Variants in CLSTN2 observed in about 807,000 individuals in gnomAD.
CLSTN2 encodes the protein calsyntenin 2, also known as calsyntenin-2.
In CLSTN2, 48 loss-of-function variants were observed where a neutral mutation model predicts 101.2. That is an observed-to-expected ratio of 0.47 (90% CI 0.38 to 0.60). CLSTN2 has a LOEUF of 0.60. CLSTN2 is among the 20% of genes least tolerant of loss of function. The probability of loss-of-function intolerance (pLI) is 0.00; values close to 1 mark genes in which losing one functional copy is unlikely to be tolerated. For synonymous variants in CLSTN2, 481 were observed against 463.6 expected, an observed-to-expected ratio of 1.04 and a Z score of -0.48; for missense variants, 1,160 against 1,238.2, an observed-to-expected ratio of 0.94 and a Z score of 0.95.
chr3:140,167,097 G>A (rs1270189369), intron 1 of CLSTN2, among the ~76,000 whole-genome samples: 1 of 152,184 alleles, frequency 6.6e-6, no homozygotes, highest in African/African-American at 2.4e-5. Flanking sequence ...GAAAGGAGAT[G>A]GTTCTCCAGC....
chr3:140,254,177 A>G (rs2086586573), intron 2 of CLSTN2, among the ~76,000 whole-genome samples: 1 of 152,202 alleles, frequency 6.6e-6, no homozygotes, highest in Non-Finnish European at 1.5e-5. Context: ...AGAGATGCAG[A>G]TCCTTGCAAA....
intron 1 of CLSTN2, among the ~76,000 whole-genome samples, chr3:140,156,833 C>T (rs182852048): frequency 3.2e-4 from 49 of 152,278 alleles, no homozygotes; most frequent in African/African-American, 9.9e-4. Flanking sequence ...CCTCTTCAGA[C>T]GTTTCTGGCT....
chr3:140,576,313 C>G lies in CLSTN2; in HGVS notation c.*10060C>G, dbSNP rs749759004. On this transcript the variant is annotated 3_prime_UTR_variant, in exon 17 of 17. Transcript: ENST00000458420. ...CTGTTTCTACAAGCTAAAGTTGTAG[C>G]TTCTCTCTACCACTGTCTAAAGCTG... 6.6e-6 allele frequency: 1 copy of G among 152,210 alleles called. No individual in the cohort carries two copies. Among genetic ancestry groups the G allele is most frequent in the African/African-American group, 2.4e-5 (1 of 41,458 alleles). The allele number at this position is 152,210 out of a possible 1,614,324, so 9.4% of individuals were successfully genotyped here.
At chr3:140,495,151 C>A (rs745886707) in intron 8 of CLSTN2, among the ~76,000 whole-genome samples, 4 of 152,152 alleles carry the variant, frequency 2.6e-5, no homozygotes, top group Admixed American at 6.5e-5. Flanking sequence ...TTATTTTTAG[C>A]CATTCTGACT....
At position 140,336,516 on chromosome 3, in the gene CLSTN2, G is replaced by A. The variant is rs999821; in HGVS notation, c.233-67113G>A. On this transcript the variant is annotated intron_variant, in intron 2 of 16. Coordinates refer to ENST00000458420, the MANE Select transcript of CLSTN2 (RefSeq NM_022131.3). Reference sequence around the variant, plus strand: ...TCAGGTTCAGAGAATCTCCTGAGGTGTGCAAGCCCCAAGGCATGGCAGAAG... The same window carrying A: ...TCAGGTTCAGAGAATCTCCTGAGGTATGCAAGCCCCAAGGCATGGCAGAAG... Among the ~76,000 whole-genome samples, 1,212 of 152,274 alleles carry A rather than the reference G, an allele frequency of 8.0e-3. 17 individuals are homozygous for A. The highest frequency in any genetic ancestry group is 0.028 in the African/African-American group (1,155 of 41,538).
chr3:140,206,929 A>G (rs553352142), intron 2 of CLSTN2, among the ~76,000 whole-genome samples: 1 of 152,260 alleles, frequency 6.6e-6, no homozygotes, highest in African/African-American at 2.4e-5. Context: ...GGGAATTCCT[A>G]TTCCCATGAG....
chr3:140,127,644 T>C (rs2009456952), intron 1 of CLSTN2, among the ~76,000 whole-genome samples: 1 of 151,984 alleles, frequency 6.6e-6, no homozygotes, highest in African/African-American at 2.4e-5. Flanking sequence ...AAGTCAAACT[T>C]CCTAGTCAAA....
chr3:140,496,968 G>T (rs965553284), intron 8 of CLSTN2, among the ~76,000 whole-genome samples: 5 of 152,140 alleles, frequency 3.3e-5, no homozygotes, highest in Admixed American at 2.6e-4. Context: ...GGACGTGGTG[G>T]CATGCACGTG....
intron 2 of CLSTN2, among the ~76,000 whole-genome samples, chr3:140,398,425 T>C (rs2088205539): frequency 6.6e-6 from 1 of 152,210 alleles, no homozygotes; most frequent in African/African-American, 2.4e-5. Flanking sequence ...CACCAGCACT[T>C]TTACTCCCCA....
chr3:140,062,363 A>G (rs1049636538), intron 1 of CLSTN2, among the ~76,000 whole-genome samples: 3 of 152,190 alleles, frequency 2.0e-5, no homozygotes, highest in East Asian at 1.9e-4. Flanking sequence ...GAGATATTAT[A>G]TTGAAGTATT....
intron 2 of CLSTN2, among the ~76,000 whole-genome samples, chr3:140,195,675 G>A (rs1395046747): frequency 6.6e-6 from 1 of 152,160 alleles, no homozygotes; most frequent in Admixed American, 6.5e-5. Context: ...AAGTAATTTA[G>A]TTTTATCTAT....
At position 140,577,364 on chromosome 3, in the gene CLSTN2, G is replaced by C. The variant is rs1374477360; in HGVS notation, c.*11111G>C. 1.3e-5 allele frequency: 2 copies of C among 152,156 alleles called. No individual in the cohort carries two copies. Among genetic ancestry groups the C allele is most frequent in the East Asian group, 3.8e-4 (2 of 5,198 alleles). 9.4% of individuals were successfully genotyped at this position (152,156 alleles called of 1,614,324 possible). On this transcript the variant is annotated 3_prime_UTR_variant, in exon 17 of 17. Transcript: ENST00000458420. ...TCGTTATGACACTTTCTGTGAATTG[G>C]TGAATAAATATGATTTTAGAATTTC... is the stretch of plus-strand genomic sequence containing the variant.
chr3:140,539,373 G>A (rs531012810), intron 9 of CLSTN2, among the ~76,000 whole-genome samples: 20 of 152,206 alleles, frequency 1.3e-4, no homozygotes, highest in Non-Finnish European at 2.8e-4. Flanking sequence ...ATTTGATATG[G>A]GGGTGCATTT....
Position 139,935,378 on chromosome 3 carries a change from C to T in CLSTN2, c.4C>T (p.Leu2=). The change falls in exon 1 of 17, where the codon CTG becomes TTG. Residue 2 remains leucine, a synonymous_variant. Transcript: ENST00000458420. This position sits in a 1 kb window ranked among gnomAD's most constrained non-coding sequence, Gnocchi z 5.5. ...CTCGTTGGCGGCTGCTGCGAGGATG[C>T]TGCCTGGGCGGCTGTGCTGGGTGCC... M[L]PGRLCWVPLL... 1 of 1,228,590 alleles carries T rather than the reference C, an allele frequency of 8.1e-7. No homozygotes were observed. The highest frequency in any genetic ancestry group is 1.0e-6 in the Non-Finnish European group (1 of 985,460). The allele number at this position is 1,228,590 out of a possible 1,614,324, so 76.1% of individuals were successfully genotyped here.
At chr3:139,938,224 G>C (rs1189138012) in intron 1 of CLSTN2, among the ~76,000 whole-genome samples, 1 of 151,368 alleles carries the variant, frequency 6.6e-6, no homozygotes, top group Admixed American at 6.6e-5. Context: ...CTGTATTCAT[G>C]TGTAGAAAAA....
At chr3:140,302,052 TG>T (rs1209532107) in intron 2 of CLSTN2, among the ~76,000 whole-genome samples, 17 of 152,370 alleles carry the variant, frequency 1.1e-4, no homozygotes, top group African/African-American at 3.8e-4. Flanking sequence ...GTTACTAATG[TG>T]GCTTCTATGC....
At chr3:140,421,355 C>A in intron 5 of CLSTN2, 81 bp downstream of exon 5, 2 of 1,506,400 alleles carry the variant, frequency 1.3e-6, no homozygotes, top group Non-Finnish European at 1.8e-6. Flanking sequence ...CAAATCATCA[C>A]AACACATAAC....
At chr3:140,512,386 T>TTG (rs1934832577) in intron 8 of CLSTN2, among the ~76,000 whole-genome samples, 1 of 152,220 alleles carries the variant, frequency 6.6e-6, no homozygotes, top group African/African-American at 2.4e-5. Flanking sequence ...GCTTTCCCCA[T>TTG]TGCTTGTTTT....
At chr3:140,550,855 C>G (rs1935687922) in intron 10 of CLSTN2, among the ~76,000 whole-genome samples, 1 of 150,298 alleles carries the variant, frequency 6.7e-6, no homozygotes. Context: ...GTTATAAAGG[C>G]TTGGTTATAA....
Sources: gnomAD v4.1 joint callset for allele counts (sites outside exome capture counted in the v4.1 genomes callset) on GRCh38, gnomAD v4.1.1 for gene constraint, Gnocchi (gnomAD v3.1) non-coding constraint, MANE v1.5 for transcripts, NCBI Gene and HGNC (gene_info 2026-07-23, HGNC 2026-07-21) for gene names.